RANBP2: variants seen among roughly 807,000 people sequenced by gnomAD.
RANBP2 encodes the protein E3 SUMO-protein ligase RanBP2.
A neutral mutation model predicts 303.6 loss-of-function variants in RANBP2; 57 were observed. The ratio of observed to expected loss-of-function variants is 0.19; its 90% CI spans 0.15 to 0.23. The LOEUF (loss-of-function observed/expected upper bound fraction) is 0.23, where lower values mean the gene tolerates loss of function less well. Ranked by LOEUF, RANBP2 falls within the 10% of genes least tolerant of loss-of-function variation. The pLI is 1.00. For synonymous variants in RANBP2, 1,167 were observed against 1,301.5 expected (o/e 0.90, Z 2.23); for missense variants, 3,138 against 3,780.8 (o/e 0.83, Z 4.46).
At chr2:109,380,430 T>G in the RANBP2 span, among the ~76,000 whole-genome samples, 3,753 of 152,234 alleles carry the variant, frequency 0.025, 154 homozygotes, top group African/African-American at 0.08. Flanking sequence ...TGCAATGTTA[T>G]TGGGTTGTGG....
the RANBP2 span, among the ~76,000 whole-genome samples, chr2:108,915,124 G>C: frequency 6.6e-6 from 1 of 152,186 alleles, no homozygotes; most frequent in Non-Finnish European, 1.5e-5. Context: ...GGCTGGTCTT[G>C]AACTCCTGAC....
At chr2:108,797,612 GAGC>G in the RANBP2 span, among the ~76,000 whole-genome samples, 1 of 152,092 alleles carries the variant, frequency 6.6e-6, no homozygotes, top group South Asian at 2.1e-4. Flanking sequence ...ATAATCAGCA[GAGC>G]AGTCTTCACA....
chr2:108,984,856 T>C, the RANBP2 span, among the ~76,000 whole-genome samples: 1 of 152,168 alleles, frequency 6.6e-6, no homozygotes, highest in African/African-American at 2.4e-5. Context: ...CAGAAAACAT[T>C]TGCTGAATGA....
At chr2:109,293,005 T>C in the RANBP2 span, among the ~76,000 whole-genome samples, 1 of 152,322 alleles carries the variant, frequency 6.6e-6, no homozygotes, top group South Asian at 2.1e-4. Context: ...GTTCTGGGAT[T>C]ACAGGCGTGA....
chr2:108,926,193 G>A, the RANBP2 span, among the ~76,000 whole-genome samples: 5 of 152,166 alleles, frequency 3.3e-5, no homozygotes, highest in African/African-American at 1.2e-4. Context: ...CCCGAAATCA[G>A]GTGTTCATTT....
At chr2:108,988,935 A>G in the RANBP2 span, 2 of 152,106 alleles carry the variant, frequency 1.3e-5, no homozygotes, top group Non-Finnish European at 2.9e-5. Flanking sequence ...AGTTTAGAAA[A>G]CCAGAGGAAA....
chr2:109,701,061 G>A, the RANBP2 span, among the ~76,000 whole-genome samples: 1 of 152,206 alleles, frequency 6.6e-6, no homozygotes, highest in African/African-American at 2.4e-5. Context: ...CGCGTTCACA[G>A]GAGATGGGCT....
the RANBP2 span, among the ~76,000 whole-genome samples, chr2:109,207,527 A>G: frequency 3.9e-5 from 6 of 152,214 alleles, no homozygotes; most frequent in Non-Finnish European, 7.3e-5. Flanking sequence ...ATGGAATTTC[A>G]TGGTAAAACA....
At chr2:108,889,597 C>G in the RANBP2 span, among the ~76,000 whole-genome samples, 2 of 148,278 alleles carry the variant, frequency 1.3e-5, no homozygotes, top group Non-Finnish European at 3.0e-5. Flanking sequence ...TCTATTTTAT[C>G]TCATCAGTAC....
chr2:109,571,416 T>C, the RANBP2 span, among the ~76,000 whole-genome samples: 10 of 152,218 alleles, frequency 6.6e-5, no homozygotes, highest in Non-Finnish European at 1.0e-4. Flanking sequence ...CTGTATGGTA[T>C]GGCTCATTGT....
At chr2:109,591,188 G>T in the RANBP2 span, among the ~76,000 whole-genome samples, 1 of 152,192 alleles carries the variant, frequency 6.6e-6, no homozygotes, top group Admixed American at 6.5e-5. Flanking sequence ...TCTTCCTCGT[G>T]AAAGTGTTCA....
chr2:108,993,827 T>C, the RANBP2 span, among the ~76,000 whole-genome samples: 1 of 152,294 alleles, frequency 6.6e-6, no homozygotes, highest in East Asian at 1.9e-4. Context: ...AACAAAAATA[T>C]TGTAGGCTGG....
the RANBP2 span, among the ~76,000 whole-genome samples, chr2:108,869,139 T>C: frequency 2.0e-5 from 3 of 152,096 alleles, no homozygotes; most frequent in Admixed American, 6.5e-5. Flanking sequence ...AGGTGCTTGT[T>C]TCCCCACAGA....
At chr2:109,171,759 T>C in the RANBP2 span, among the ~76,000 whole-genome samples, 1 of 152,258 alleles carries the variant, frequency 6.6e-6, no homozygotes, top group African/African-American at 2.4e-5. Context: ...CCACGCTGGC[T>C]GGCTCCCTGC....
chr2:108,994,327 C>T, the RANBP2 span, among the ~76,000 whole-genome samples: 6 of 152,312 alleles, frequency 3.9e-5, no homozygotes, highest in South Asian at 1.2e-3. Flanking sequence ...TCTCTGCTCC[C>T]CAGCCAGGGT....
chr2:109,069,790 A>G, the RANBP2 span, among the ~76,000 whole-genome samples: 1,009 of 152,088 alleles, frequency 6.6e-3, 15 homozygotes, highest in African/African-American at 0.023. Context: ...CAGTTCCTTC[A>G]TTTAGTCTAT....
chr2:109,088,164 C>T, the RANBP2 span, among the ~76,000 whole-genome samples: 11 of 151,840 alleles, frequency 7.2e-5, no homozygotes, highest in Admixed American at 1.3e-4. Context: ...TTTGGGAGGC[C>T]GAGGTGGGCG....
the RANBP2 span, among the ~76,000 whole-genome samples, chr2:109,527,170 G>A: frequency 3.3e-5 from 5 of 152,258 alleles, no homozygotes; most frequent in Admixed American, 1.3e-4. Context: ...AAACCCACAC[G>A]AAGCAGATGT....
chr2:108,815,388 G>A, the RANBP2 span, among the ~76,000 whole-genome samples: 2 of 149,006 alleles, frequency 1.3e-5, no homozygotes, highest in African/African-American at 4.9e-5. Flanking sequence ...CCAACTTCCT[G>A]ATTATGACTT....
Sources: allele counts gnomAD v4.1 joint callset (sites outside exome capture counted in the v4.1 genomes callset), GRCh38; gene constraint gnomAD v4.1.1; transcripts MANE v1.5; gene names NCBI Gene and HGNC (gene_info 2026-07-23, HGNC 2026-07-21).